CLDN20: variants seen among roughly 807,000 people sequenced by gnomAD.
The protein encoded by CLDN20 is claudin-20.
For missense variants in CLDN20, 258 were observed against 267.9 expected (o/e 0.96, Z 0.26); for synonymous variants, 104 against 103.6 (o/e 1.00, Z -0.03).
rs1332235887 is a variant in CLDN20, at chr6:155,267,671, T to C, written c.-105+3383T>C. The stretch of plus-strand genomic sequence containing the variant: ...TTTCAGCAGCTAGGCTTATAGAAAG[T>C]GTAAATTTTGGAGCAGGTGCGACAG... On this transcript the variant is annotated intron_variant, in intron 1 of 1. Coordinates refer to ENST00000367165, the MANE Select transcript of CLDN20 (RefSeq NM_001001346.3). Among the ~76,000 whole-genome samples the C allele has an allele frequency of 2.6e-5, 4 of 152,228 alleles. No individual in the cohort carries two copies. In the East Asian group the frequency reaches 5.8e-4, roughly 22 times the overall value.
At chr6:155,272,927 T>C (rs144852046) in intron 1 of CLDN20, among the ~76,000 whole-genome samples, 1 of 152,124 alleles carries the variant, frequency 6.6e-6, no homozygotes, top group African/African-American at 2.4e-5. Flanking sequence ...GGATTATAAT[T>C]GGTAAGCTGA....
At position 155,264,479 on chromosome 6, in the gene CLDN20, T is replaced by C. The variant is rs529298016; in HGVS notation, c.-105+191T>C. 6.6e-5 allele frequency among the ~76,000 whole-genome samples: 10 copies of C among 152,378 alleles called. No homozygotes were observed. The South Asian group carries it at 2.1e-3, about 32-fold the overall frequency. ...AATTTCCACTGTAAAACCTTAAAGCTGACAGCATTCTAAGTATTTCAAACC... is the reference window on the plus strand; with the variant it reads ...AATTTCCACTGTAAAACCTTAAAGCCGACAGCATTCTAAGTATTTCAAACC... On this transcript the variant is annotated intron_variant, in intron 1 of 1. Coordinates refer to ENST00000367165, the MANE Select transcript of CLDN20 (RefSeq NM_001001346.3).
In CLDN20 at chr6:155,275,971, G is replaced by A; in HGVS notation, c.252G>A (p.Met84Ile). The A allele has an allele frequency of 1.2e-6, 2 of 1,614,184 alleles. No individual in the cohort carries two copies. Among genetic ancestry groups the A allele is most frequent in the Non-Finnish European group, 1.7e-6 (2 of 1,180,028 alleles). The change falls in exon 2 of 2, where the codon ATG becomes ATA. Residue 84 changes from methionine (M) to isoleucine (I), a missense_variant. Met to Ile is a conservative substitution (Grantham distance 10). Transcript: ENST00000367165. ...ACGTGCAGGCTGCGAGAGCCACCAT[G>A]GTCCTGGCGTGTGTTCTGTCTGCTT... ...PIHVQAARATMVLACVLSALG... is the reference protein window; with the variant it reads ...PIHVQAARATIVLACVLSALG...
chr6:155,269,146 G>A (rs1784805375), intron 1 of CLDN20, among the ~76,000 whole-genome samples: 1 of 151,752 alleles, frequency 6.6e-6, no homozygotes, highest in Admixed American at 6.6e-5. Flanking sequence ...AAACTACCAA[G>A]AGAGGTAGGA....
chr6:155,264,616 T>G (rs1159578206), intron 1 of CLDN20, among the ~76,000 whole-genome samples: 1 of 152,220 alleles, frequency 6.6e-6, no homozygotes, highest in East Asian at 1.9e-4. Context: ...CCCTTTTTTC[T>G]TCCTACAGAT....
intron 1 of CLDN20, among the ~76,000 whole-genome samples, chr6:155,266,335 C>T (rs888305025): frequency 2.0e-5 from 3 of 152,132 alleles, no homozygotes; most frequent in Non-Finnish European, 1.5e-5. Context: ...CCAAAGCCCT[C>T]GTGTGGGCAG....
At chr6:155,266,575 T>A (rs13220615) in intron 1 of CLDN20, among the ~76,000 whole-genome samples, 11 of 151,646 alleles carry the variant, frequency 7.3e-5, no homozygotes, top group East Asian at 2.0e-4. Flanking sequence ...GGCTGGGCGC[T>A]GTGGCTCACA....
Position 155,275,803 on chromosome 6 carries a change from C to A in CLDN20, c.84C>A (p.Pro28=), listed in dbSNP as rs765325126. Reference sequence around the variant, plus strand: ...GAGTGCTCACAGCCACTCTGCTGCCCAACTGGAAGGTGAATGTGGATGTGG... The same window carrying A: ...GAGTGCTCACAGCCACTCTGCTGCCAAACTGGAAGGTGAATGTGGATGTGG... ...VSGVLTATLL[P]NWKVNVDVDS... Residue 28 remains proline (P), a synonymous_variant, in exon 2 of 2, where the codon CCC becomes CCA. Coordinates refer to ENST00000367165, the MANE Select transcript of CLDN20 (RefSeq NM_001001346.3). 2 of 1,614,092 alleles carry A rather than the reference C, an allele frequency of 1.2e-6. No individual in the cohort carries two copies. Among genetic ancestry groups the A allele is most frequent in the South Asian group, 2.2e-5 (2 of 91,070 alleles).
rs76974556 is a variant in CLDN20 at position 155,264,817 on chromosome 6, A to C, written c.-105+529A>C. ...GATGAAGAGTTTTTTTACTGTGTAAATTATGTAAATGTACATATGTATGTA... is the reference window on the plus strand; with the variant it reads ...GATGAAGAGTTTTTTTACTGTGTAACTTATGTAAATGTACATATGTATGTA... On this transcript the variant is annotated intron_variant, in intron 1 of 1. Transcript: ENST00000367165. 2.4e-3 allele frequency among the ~76,000 whole-genome samples: 358 copies of C among 152,314 alleles called. 2 individuals carry two copies. Among genetic ancestry groups the C allele is most frequent in the African/African-American group, 8.1e-3 (338 of 41,568 alleles).
intron 1 of CLDN20, among the ~76,000 whole-genome samples, chr6:155,268,029 G>A (rs1248453069): frequency 1.3e-5 from 2 of 152,084 alleles, no homozygotes; most frequent in Admixed American, 1.3e-4. Flanking sequence ...GAAATTTTGG[G>A]TTCTTTTTAC....
intron 1 of CLDN20, among the ~76,000 whole-genome samples, chr6:155,267,691 C>G (rs1361374543): frequency 2.0e-5 from 3 of 152,078 alleles, no homozygotes; most frequent in Non-Finnish European, 4.4e-5. Flanking sequence ...GGAGCAGGTG[C>G]GACAGTGCTA....
intron 1 of CLDN20, among the ~76,000 whole-genome samples, chr6:155,268,318 CCTT>C (rs1020563883): frequency 7.9e-5 from 12 of 152,286 alleles, no homozygotes; most frequent in South Asian, 4.1e-4. Context: ...CCTTCAAACT[CCTT>C]CTTGAAGAAA....
At chr6:155,273,552 CT>C (rs1484199921) in intron 1 of CLDN20, among the ~76,000 whole-genome samples, 1 of 152,184 alleles carries the variant, frequency 6.6e-6, no homozygotes, top group African/African-American at 2.4e-5. Flanking sequence ...CTCTACAGTC[CT>C]TTTTTTCCTT....
At chr6:155,268,430 T>C (rs911449512) in intron 1 of CLDN20, among the ~76,000 whole-genome samples, 2 of 152,222 alleles carry the variant, frequency 1.3e-5, no homozygotes, top group African/African-American at 4.8e-5. Flanking sequence ...GATCCAGTGA[T>C]GAGAAGATGG....
intron 1 of CLDN20, among the ~76,000 whole-genome samples, chr6:155,272,131 C>G (rs966277593): frequency 6.6e-6 from 1 of 152,122 alleles, no homozygotes; most frequent in African/African-American, 2.4e-5. Flanking sequence ...TTCACCATAA[C>G]TAACTGAGGT....
chr6:155,270,091 A>T (rs1337485248), intron 1 of CLDN20, among the ~76,000 whole-genome samples: 1 of 152,206 alleles, frequency 6.6e-6, no homozygotes, highest in African/African-American at 2.4e-5. Context: ...TTGTTGACTC[A>T]AGGGATGTTG....
chr6:155,267,494 T>C (rs1238569592), intron 1 of CLDN20, among the ~76,000 whole-genome samples: 1 of 152,212 alleles, frequency 6.6e-6, no homozygotes, highest in African/African-American at 2.4e-5. Context: ...ATGTGTTGTT[T>C]TGAAAGAAAG....
rs763128187 is a variant in CLDN20, at chr6:155,276,314, C to T, written c.595C>T (p.Gln199Ter). ...AGAAGCTAGACTCGACCCACCCACACAGCAGCCTATCTCTAACACACAGCT... is the reference window on the plus strand; with the variant it reads ...AGAAGCTAGACTCGACCCACCCACATAGCAGCCTATCTCTAACACACAGCT... Reference protein sequence around the residue: ...NPEARLDPPTQQPISNTQLEN... With the variant: ...NPEARLDPPT The change falls in exon 2 of 2, where the codon CAG becomes TAG. Residue 199 changes from glutamine to a stop codon, truncating the protein, a stop_gained. Transcript: ENST00000367165. LOFTEE classifies it low-confidence loss of function (END_TRUNC). 22 of 1,613,748 alleles carry T rather than the reference C, an allele frequency of 1.4e-5. No homozygotes were observed. In the South Asian group the frequency reaches 2.4e-4, roughly 18 times the overall value.
intron 1 of CLDN20, among the ~76,000 whole-genome samples, chr6:155,268,869 C>G (rs905808701): frequency 2.1e-4 from 31 of 149,174 alleles, no homozygotes; most frequent in Admixed American, 5.4e-4. Flanking sequence ...ACTTGTTTAT[C>G]TGCTGACCTT....
Sources: gnomAD v4.1 joint callset for allele counts (sites outside exome capture counted in the v4.1 genomes callset) on GRCh38, gnomAD v4.1.1 for gene constraint, MANE v1.5 for transcripts, NCBI Gene and HGNC (gene_info 2026-07-23, HGNC 2026-07-21) for gene names.